The following TTN variants were observed in gnomAD, a reference collection of about 807,000 sequenced individuals.
TTN encodes connectin.
TTN carries 1,525 observed loss-of-function variants against 3,223.0 expected under a neutral mutation model. The observed-to-expected ratio is 0.47, with a 90% CI of 0.45 to 0.49. The LOEUF (loss-of-function observed/expected upper bound fraction) is 0.49, where lower values mean the gene tolerates loss of function less well. Ranked by LOEUF, TTN falls within the 20% of genes least tolerant of loss-of-function variation. TTN has a pLI of 0.00. For missense variants in TTN, 40,786 were observed against 43,424.0 expected, an observed-to-expected ratio of 0.94 and a Z score of 5.40; for synonymous variants, 14,094 against 15,161.0, an observed-to-expected ratio of 0.93 and a Z score of 5.17.
intron 295 of TTN, 41 bp from the exon 296 acceptor site, chr2:178,594,687 C>A: frequency 6.7e-7 from 1 of 1,496,450 alleles, no homozygotes; most frequent in South Asian, 1.3e-5. Context: ...AAAAAAATGT[C>A]ACATTAAGAA....
rs2050223526 is a variant in TTN at position 178,591,635 on chromosome 2, C to T, written c.60184G>A (p.Asp20062Asn). 6.2e-7 allele frequency: 1 copy of T among 1,613,414 alleles called. No homozygotes were observed. Among genetic ancestry groups the T allele is most frequent in the South Asian group, 1.1e-5 (1 of 91,034 alleles). The change falls in exon 303 of 363, where the codon GAC becomes AAC. Residue 20062 changes from aspartate to asparagine, a missense_variant. Physicochemically the swap from Asp to Asn is conservative, Grantham distance 23. Coordinates refer to ENST00000589042, the MANE Select transcript of TTN (RefSeq NM_001267550.2). The part of the protein sequence containing the change: ...AENIVGLGLP[D>N]TTIPIECQEK... ...TGACATTCTATCGGGATAGTTGTGT[C>T]AGGGAGACCAAGACCCACAATGTTT...
At position 178,751,663 on chromosome 2, in the gene TTN, C is replaced by T. The variant is rs1215174667; in HGVS notation, c.11311+1461G>A. The T allele has an allele frequency of 2.5e-6, 4 of 1,613,236 alleles. No homozygotes were observed. In the African/African-American group the frequency reaches 5.3e-5, roughly 22 times the overall value. ...ACCCTTCACTATTAATTGCTAGTAA[C>T]CTATAACTTCCAGAATCTCTGTCTT... On this transcript the variant is annotated intron_variant, in intron 47 of 362. Transcript: ENST00000589042.
At chr2:178,747,302 C>G (rs780927884) in intron 47 of TTN, 8 of 1,613,226 alleles carry the variant, frequency 5.0e-6, no homozygotes, top group Non-Finnish European at 6.8e-6. Context: ...AGCAACTTCC[C>G]CTAAAGGTGT....
In TTN at chr2:178,652,180, C is replaced by A. The variant is rs757200738; in HGVS notation, c.39212-1G>T. 10 of 1,612,016 alleles carry A rather than the reference C, an allele frequency of 6.2e-6. No individual in the cohort carries two copies. The highest frequency in any genetic ancestry group is 8.5e-6 in the Non-Finnish European group (10 of 1,179,600). The stretch of plus-strand genomic sequence containing the variant: ...ACAGCTACCTTTGGCACCTCTGGGA[C>A]TTTAAAAGATATTATTATTTTCATT... On this transcript the variant is annotated splice_acceptor_variant, in intron 203 of 362. Transcript: ENST00000589042. LOFTEE classifies it high-confidence loss of function.
intron 217 of TTN, among the ~76,000 whole-genome samples, chr2:178,645,568 A>G (rs924862387): frequency 2.6e-5 from 4 of 152,138 alleles, no homozygotes; most frequent in Non-Finnish European, 5.9e-5. Flanking sequence ...AGGATTTCTT[A>G]TACATTCCTT....
Position 178,568,950 on chromosome 2 carries a change from T to A in TTN, c.77182A>T (p.Ser25728Cys), listed in dbSNP as rs1306199809. Residue 25728 changes from serine to cysteine, a missense_variant, in exon 326 of 363, where the codon AGT becomes TGT. Physicochemically the swap from Ser to Cys is moderately radical, Grantham distance 112 (BLOSUM62 -1). Coordinates refer to ENST00000589042, the MANE Select transcript of TTN (RefSeq NM_001267550.2). ...TCCACAATATACTGAATGATTTTAC[T>A]GCCACCATCATGTTCAGGTTTTGTC... ...SWTKPEHDGG[S>C]KIIQYIVEMQ... is the part of the protein sequence containing the mutation. 1 of 1,613,508 alleles carries A rather than the reference T, an allele frequency of 6.2e-7. No homozygotes were observed. Among genetic ancestry groups the A allele is most frequent in the Non-Finnish European group, 8.5e-7 (1 of 1,179,602 alleles).
chr2:178,591,942 C>T, intron 302 of TTN, 36 bp downstream of exon 302: 1 of 1,606,666 alleles, frequency 6.2e-7, no homozygotes. Flanking sequence ...TAAAGACAGT[C>T]AAACAATAGT....
chr2:178,717,828 A>G lies in TTN; in HGVS notation c.25064-18T>C. 6.3e-7 allele frequency: 1 copy of G among 1,588,162 alleles called. No homozygotes were observed. Among genetic ancestry groups the G allele is most frequent in the Non-Finnish European group, 8.6e-7 (1 of 1,168,126 alleles). On this transcript the variant is annotated intron_variant, in intron 86 of 362. Transcript: ENST00000589042. The stretch of plus-strand genomic sequence containing the variant: ...TTTGCGCGCTGTAAAGAAGTTACAG[A>G]TAATCCTTATTTACAGGTGAGAAGG...
At chr2:178,764,461 C>G in intron 42 of TTN, 66 bp downstream of exon 42, 1 of 1,612,696 alleles carries the variant, frequency 6.2e-7, no homozygotes, top group Non-Finnish European at 8.5e-7. Context: ...TTTAAATGCA[C>G]TGGGAAAGGA....
In TTN at chr2:178,574,001, C is replaced by T. The variant is rs794729491; in HGVS notation, c.72131G>A (p.Gly24044Asp). 2 of 1,613,394 alleles carry T rather than the reference C, an allele frequency of 1.2e-6. No homozygotes were observed. The highest frequency in any genetic ancestry group is 2.7e-5 in the African/African-American group (2 of 75,022). Residue 24044 changes from glycine to aspartate, a missense_variant, in exon 326 of 363, where the codon GGT (glycine) becomes GAT (aspartate). Coordinates refer to ENST00000589042, the MANE Select transcript of TTN (RefSeq NM_001267550.2). ...KFKDTVILKA[G>D]EAFRLEADVS... ...ATCAGCTTCCAGTCTGAATGCTTCA[C>T]CTGCTTTTAATATAACCGTGTCCTT... is the stretch of plus-strand genomic sequence containing the variant.
intron 163 of TTN, 135 bp downstream of exon 163, chr2:178,666,689 C>A (rs2154261400): frequency 4.4e-6 from 3 of 676,998 alleles, no homozygotes; most frequent in Non-Finnish European, 2.3e-6. Context: ...TTTGGTTGAG[C>A]TTCTACTTGG....
rs2082045865 is a variant in TTN, at chr2:178,739,188, T to C, written c.14045A>G (p.Asp4682Gly). The C allele has an allele frequency of 1.3e-6, 2 of 1,519,770 alleles. No individual in the cohort carries two copies. Among genetic ancestry groups the C allele is most frequent in the East Asian group, 2.3e-5 (1 of 43,892 alleles). 94.1% of individuals were successfully genotyped at this position (1,519,770 alleles called of 1,614,324 possible). The change falls in exon 48 of 363, where the codon GAC (aspartate) becomes GGC (glycine). Residue 4682 changes from aspartate (D) to glycine (G), a missense_variant. Transcript: ENST00000589042. ...GGCTGAAGTTGCTGTTTTTCCGCTG[T>C]CATTCAAGGCCTCACAGACATACTC... The part of the protein sequence containing the change: ...QGEYVCEALN[D>G]SGKTATSAKL...
chr2:178,803,727 TC>T (rs2094177746), intron 2 of TTN, among the ~76,000 whole-genome samples: 1 of 152,016 alleles, frequency 6.6e-6, no homozygotes, highest in Non-Finnish European at 1.5e-5. Flanking sequence ...TCCGTATCCA[TC>T]TTACATGGCT....
chr2:178,567,827 C>A lies in TTN; in HGVS notation c.78305G>T (p.Arg26102Ile). 2 of 1,613,506 alleles carry A rather than the reference C, an allele frequency of 1.2e-6. No individual in the cohort carries two copies. The highest frequency in any genetic ancestry group is 8.5e-7 in the Non-Finnish European group (1 of 1,179,582). Residue 26102 changes from arginine to isoleucine, a missense_variant, in exon 326 of 363, where the codon AGA becomes ATA. Transcript: ENST00000589042. ...GGTCCACTGTAAAGTGATTTCATTT[C>A]TTTTAACCATTATTGGTTCTGGGGT... ...PGTPEPIMVK[R>I]NEITLQWTKP...
intron 240 of TTN, 47 bp downstream of exon 240, chr2:178,629,253 AG>A: frequency 6.3e-7 from 1 of 1,599,760 alleles, no homozygotes; most frequent in Non-Finnish European, 8.5e-7. Context: ...TGAAGGTGGA[AG>A]AACTCCAGAA....
At chr2:178,641,392 A>C in intron 219 of TTN, 77 bp from the exon 220 acceptor site, 2 of 865,870 alleles carry the variant, frequency 2.3e-6, no homozygotes, top group Non-Finnish European at 3.5e-6. Flanking sequence ...AAATGCAAAT[A>C]ATGTACAAAG....
chr2:178,590,152 G>A lies in TTN; in HGVS notation c.61573C>T (p.Leu20525Phe). The A allele has an allele frequency of 6.2e-7, 1 of 1,613,138 alleles. No individual in the cohort carries two copies. The highest frequency in any genetic ancestry group is 8.5e-7 in the Non-Finnish European group (1 of 1,179,470). ...TCAACACGAGGTAGATCCTGAATAA[G>A]GTCCACCCTCTTTTCTCGGACCAAT... is the stretch of plus-strand genomic sequence containing the variant. ...KVLVREKRVD[L>F]IQDLPRVELQ... Residue 20525 changes from leucine to phenylalanine, a missense_variant, in exon 304 of 363, where the codon CTT becomes TTT. Transcript: ENST00000589042.
At chr2:178,749,309 C>A in intron 47 of TTN, 1 of 1,612,056 alleles carries the variant, frequency 6.2e-7, no homozygotes, top group South Asian at 1.1e-5. Context: ...ACTTACATGT[C>A]TCTCTTTCCC....
chr2:178,719,461 G>C lies in TTN; in HGVS notation c.23939-10C>G. 6.2e-7 allele frequency: 1 copy of C among 1,606,286 alleles called. No homozygotes were observed. The highest frequency in any genetic ancestry group is 8.5e-7 in the Non-Finnish European group (1 of 1,175,068). ...GGAGGCACAATCCGATCTATGTGGG[G>C]AAGGGTAGTTTTGCGTTTAAAGAGA... is the stretch of plus-strand genomic sequence containing the variant. On this transcript the variant is annotated splice_polypyrimidine_tract_variant and intron_variant, in intron 82 of 362. Transcript: ENST00000589042.
Sources: allele counts gnomAD v4.1 joint callset (sites outside exome capture counted in the v4.1 genomes callset), GRCh38; gene constraint gnomAD v4.1.1; transcripts MANE v1.5; gene names NCBI Gene and HGNC (gene_info 2026-07-23, HGNC 2026-07-21).